WWOX: variants seen among roughly 807,000 people sequenced by gnomAD.
The protein encoded by WWOX is WW domain-containing oxidoreductase.
In WWOX, 69 loss-of-function variants were observed where a neutral mutation model predicts 46.2. That is an observed-to-expected ratio of 1.49 (90% CI 1.23 to 1.82). The LOEUF (loss-of-function observed/expected upper bound fraction) is 1.82, where lower values mean the gene tolerates loss of function less well. Among genes scored for constraint, WWOX ranks in the 40% most tolerant of loss-of-function variants. WWOX has a pLI of 0.00. For synonymous variants in WWOX, 359 were observed against 202.6 expected (o/e 1.77, Z -6.56); for missense variants, 919 against 542.6 (o/e 1.69, Z -6.89).
chr16:79,067,639 G>GC (rs2048467116), intron 8 of WWOX, among the ~76,000 whole-genome samples: 1 of 119,734 alleles, frequency 8.4e-6, no homozygotes, highest in African/African-American at 3.8e-5. Flanking sequence ...GTGGGGGGCG[G>GC]GGGGGGGCAC....
chr16:79,156,226 A>G (rs563527204), intron 8 of WWOX, among the ~76,000 whole-genome samples: 30 of 152,248 alleles, frequency 2.0e-4, no homozygotes, highest in African/African-American at 6.5e-4. Flanking sequence ...CAGTGGTACA[A>G]TTTCAGCTCA....
At chr16:78,536,187 G>A (rs943288892) in intron 8 of WWOX, among the ~76,000 whole-genome samples, 1 of 152,130 alleles carries the variant, frequency 6.6e-6, no homozygotes, top group Non-Finnish European at 1.5e-5. Context: ...GAGTACACAT[G>A]CATGGGTGTA....
At chr16:79,167,054 C>A (rs139820401) in intron 8 of WWOX, among the ~76,000 whole-genome samples, 3 of 152,116 alleles carry the variant, frequency 2.0e-5, no homozygotes, top group Non-Finnish European at 2.9e-5. Context: ...AATTCTCATG[C>A]GTCAGCCTCC....
chr16:78,726,103 C>CTCTG (rs1226592855), intron 8 of WWOX, among the ~76,000 whole-genome samples: 1,549 of 139,948 alleles, frequency 0.011, 18 homozygotes, highest in Non-Finnish European at 0.017. Flanking sequence ...CTCCCTCCCT[C>CTCTG]CCTCCCTCTC....
At chr16:78,855,368 A>G (rs1026030860) in intron 8 of WWOX, among the ~76,000 whole-genome samples, 7 of 152,184 alleles carry the variant, frequency 4.6e-5, no homozygotes, top group Non-Finnish European at 7.3e-5. Context: ...AGCTGACTAA[A>G]ATTGTATGTT....
intron 8 of WWOX, among the ~76,000 whole-genome samples, chr16:78,647,408 G>C (rs770254410): frequency 1.4e-4 from 21 of 152,240 alleles, no homozygotes; most frequent in Admixed American, 3.3e-4. Context: ...TGGGTCTCCA[G>C]GTTTCTATCA....
At chr16:78,499,809 G>T (rs923358020) in intron 8 of WWOX, among the ~76,000 whole-genome samples, 1 of 152,198 alleles carries the variant, frequency 6.6e-6, no homozygotes, top group Non-Finnish European at 1.5e-5. Flanking sequence ...CCAAGGCACT[G>T]GAAGTCCCAT....
At chr16:78,985,409 T>C (rs1019444851) in intron 8 of WWOX, among the ~76,000 whole-genome samples, 1 of 151,848 alleles carries the variant, frequency 6.6e-6, no homozygotes, top group East Asian at 1.9e-4. Context: ...CCCCGTGCCA[T>C]GAATCACTTC....
chr16:78,824,253 G>A (rs892971495), intron 8 of WWOX, among the ~76,000 whole-genome samples: 10 of 152,142 alleles, frequency 6.6e-5, no homozygotes, highest in African/African-American at 2.4e-4. Context: ...GCTTCATTTT[G>A]CCTGTAGAAA....
intron 8 of WWOX, among the ~76,000 whole-genome samples, chr16:78,610,977 AAAC>A (rs879868890): frequency 6.6e-5 from 10 of 152,142 alleles, no homozygotes; most frequent in African/African-American, 1.4e-4. Context: ...AAAACAACAA[AAAC>A]AACAACAACA....
chr16:78,526,871 G>T (rs1406583013), intron 8 of WWOX, among the ~76,000 whole-genome samples: 1 of 152,166 alleles, frequency 6.6e-6, no homozygotes, highest in Non-Finnish European at 1.5e-5. Flanking sequence ...GCCTGGCCCA[G>T]TGTGCCAGCG....
chr16:78,498,728 T>G (rs192668892), intron 8 of WWOX, among the ~76,000 whole-genome samples: 2 of 152,334 alleles, frequency 1.3e-5, no homozygotes, highest in Non-Finnish European at 2.9e-5. Flanking sequence ...GATCTTGCTC[T>G]GTTGCCCAGG....
At chr16:78,503,905 A>G (rs1597178089) in intron 8 of WWOX, 2 of 152,264 alleles carry the variant, frequency 1.3e-5, no homozygotes, top group Admixed American at 6.5e-5. Flanking sequence ...TATAATATGC[A>G]TGCGACTAAG....
intron 8 of WWOX, among the ~76,000 whole-genome samples, chr16:79,153,535 T>G (rs2050322243): frequency 6.6e-6 from 1 of 152,116 alleles, no homozygotes; most frequent in African/African-American, 2.4e-5. Context: ...CTTGTGGAAA[T>G]TCGGACTGTG....
At chr16:78,808,736 A>G (rs2051107462) in intron 8 of WWOX, among the ~76,000 whole-genome samples, 1 of 152,198 alleles carries the variant, frequency 6.6e-6, no homozygotes, top group African/African-American at 2.4e-5. Context: ...ATCCTACGTC[A>G]AAGATGAGTA....
chr16:78,592,550 A>G (rs545350511), intron 8 of WWOX, among the ~76,000 whole-genome samples: 1 of 152,310 alleles, frequency 6.6e-6, no homozygotes, highest in Admixed American at 6.5e-5. Flanking sequence ...AAGAATCAGG[A>G]GGCAAAGAGA....
At chr16:79,097,638 A>T (rs955077051) in intron 8 of WWOX, among the ~76,000 whole-genome samples, 1 of 152,150 alleles carries the variant, frequency 6.6e-6, no homozygotes, top group Non-Finnish European at 1.5e-5. Context: ...ATCGTACTCC[A>T]AAGGGGGTTA....
At chr16:78,326,709 T>G (rs1436671940) in intron 5 of WWOX, among the ~76,000 whole-genome samples, 1 of 151,990 alleles carries the variant, frequency 6.6e-6, no homozygotes, top group Non-Finnish European at 1.5e-5. Context: ...AAGCAACAGA[T>G]TGCTGTATTC....
intron 8 of WWOX, among the ~76,000 whole-genome samples, chr16:79,029,560 G>T (rs990550706): frequency 1.3e-5 from 2 of 152,134 alleles, no homozygotes; most frequent in African/African-American, 4.8e-5. Flanking sequence ...GTAAAATGAA[G>T]TCTATAAAAA....
Sources: allele counts gnomAD v4.1 joint callset (sites outside exome capture counted in the v4.1 genomes callset), GRCh38; gene constraint gnomAD v4.1.1; transcripts MANE v1.5; gene names NCBI Gene and HGNC (gene_info 2026-07-23, HGNC 2026-07-21).